Variants in GRK5 observed in about 807,000 individuals in gnomAD.
The protein encoded by GRK5 is g protein-coupled receptor kinase GRK5.
Under a neutral mutation model 78.4 loss-of-function variants are expected in GRK5, and 40 were observed. That is an observed-to-expected ratio of 0.51 (90% CI 0.40 to 0.66). GRK5 has a LOEUF of 0.66. GRK5 is among the 30% of genes least tolerant of loss of function. The pLI is 0.00. For missense variants in GRK5, 598 were observed against 759.9 expected (o/e 0.79, Z 2.50); for synonymous variants, 289 against 296.8 (o/e 0.97, Z 0.27).
At chr10:119,446,852 G>A (rs940414338) in intron 12 of GRK5, among the ~76,000 whole-genome samples, 4 of 152,144 alleles carry the variant, frequency 2.6e-5, no homozygotes, top group African/African-American at 9.7e-5. Flanking sequence ...TCTCCCCGGC[G>A]TCCCCAGCCG....
chr10:119,277,305 C>A (rs895537093), intron 1 of GRK5, among the ~76,000 whole-genome samples: 3 of 152,150 alleles, frequency 2.0e-5, no homozygotes, highest in African/African-American at 7.2e-5. Flanking sequence ...TCTTGCTTCC[C>A]AGTGGCTCTC....
At chr10:119,411,154 T>G (rs985869364) in intron 4 of GRK5, among the ~76,000 whole-genome samples, 1 of 152,032 alleles carries the variant, frequency 6.6e-6, no homozygotes, top group African/African-American at 2.4e-5. Context: ...TTGAAGTCTC[T>G]TCCTGGCCTG....
At chr10:119,385,758 G>C (rs1851783598) in intron 3 of GRK5, among the ~76,000 whole-genome samples, 1 of 152,182 alleles carries the variant, frequency 6.6e-6, no homozygotes. Context: ...CTCCGTTTTA[G>C]GCACACGCGC....
rs568269437 is a variant in GRK5, at chr10:119,445,672, C to T, written c.1266+1920C>T. On this transcript the variant is annotated intron_variant, in intron 12 of 15. Transcript: ENST00000392870. The surrounding 1 kb of genome is among the most constrained non-coding windows in gnomAD (Gnocchi z 4.1). ...GGAGTCTAGTCTTAGGCCTCCTTCACGCCCTTGACTGCAGCATCTCCGGCA... is the reference window on the plus strand; with the variant it reads ...GGAGTCTAGTCTTAGGCCTCCTTCATGCCCTTGACTGCAGCATCTCCGGCA... 4.3e-4 allele frequency among the ~76,000 whole-genome samples: 66 copies of T among 152,314 alleles called. No homozygotes were observed. The highest frequency in any genetic ancestry group is 1.4e-3 in the African/African-American group (57 of 41,580).
At chr10:119,315,043 A>T (rs1484477202) in intron 1 of GRK5, among the ~76,000 whole-genome samples, 1 of 151,982 alleles carries the variant, frequency 6.6e-6, no homozygotes, top group Non-Finnish European at 1.5e-5. Flanking sequence ...TGTCTCACTT[A>T]TGGGGATCTT....
chr10:119,267,722 C>T lies in GRK5; in HGVS notation c.53-58794C>T, dbSNP rs1296306566. On this transcript the variant is annotated intron_variant, in intron 1 of 15. Coordinates refer to ENST00000392870, the MANE Select transcript of GRK5 (RefSeq NM_005308.3). This position sits in a 1 kb window ranked among gnomAD's most constrained non-coding sequence, Gnocchi z 4.1. The stretch of plus-strand genomic sequence containing the variant: ...AAAGGCGGGAGGCAGCTTAGGTGAC[C>T]TCTGCACGTGTTTTCAAAGCTGTGG... Among the ~76,000 whole-genome samples the T allele has an allele frequency of 6.6e-6, 1 of 152,192 alleles. No homozygotes were observed. Among genetic ancestry groups the T allele is most frequent in the Non-Finnish European group, 1.5e-5 (1 of 68,028 alleles).
chr10:119,366,791 T>G (rs541096603), intron 2 of GRK5, among the ~76,000 whole-genome samples: 1 of 152,306 alleles, frequency 6.6e-6, no homozygotes, highest in African/African-American at 2.4e-5. Context: ...TGTGATGTCA[T>G]CCACCTCTCA....
Position 119,443,631 on chromosome 10 carries a change from A to G in GRK5, c.1145A>G (p.Gln382Arg). The change falls in exon 12 of 16, where the codon CAG (glutamine) becomes CGG (arginine). Residue 382 changes from glutamine (Q) to arginine (R), a missense_variant. Gln to Arg is a conservative substitution (Grantham distance 43). Coordinates refer to ENST00000392870, the MANE Select transcript of GRK5 (RefSeq NM_005308.3). Reference protein sequence around the residue: ...GCLIYEMIEGQSPFRGRKEKV... With the variant: ...GCLIYEMIEGRSPFRGRKEKV... ...CTCATCTATGAGATGATCGAGGGCCAGTCGCCGTTCCGCGGCCGCAAGGAG... is the reference window on the plus strand; with the variant it reads ...CTCATCTATGAGATGATCGAGGGCCGGTCGCCGTTCCGCGGCCGCAAGGAG... The G allele has an allele frequency of 6.2e-7, 1 of 1,613,646 alleles. No individual in the cohort carries two copies. Among genetic ancestry groups the G allele is most frequent in the Non-Finnish European group, 8.5e-7 (1 of 1,179,914 alleles).
chr10:119,437,731 T>G (rs1369358642), intron 9 of GRK5, among the ~76,000 whole-genome samples: 3 of 152,230 alleles, frequency 2.0e-5, no homozygotes, highest in Non-Finnish European at 4.4e-5. Flanking sequence ...TTAGCGTACA[T>G]CTCTGAAACA....
chr10:119,282,555 C>T (rs986352784), intron 1 of GRK5, among the ~76,000 whole-genome samples: 1 of 152,236 alleles, frequency 6.6e-6, no homozygotes, highest in Non-Finnish European at 1.5e-5. Flanking sequence ...GCAGGAGAGG[C>T]GTGTGCTGCG....
chr10:119,326,416 C>A, intron 1 of GRK5, 100 bp from the exon 2 acceptor site: 1 of 891,972 alleles, frequency 1.1e-6, no homozygotes, highest in Non-Finnish European at 1.8e-6. Flanking sequence ...TACAGCCCGT[C>A]CCTCTGTCTC....
intron 2 of GRK5, among the ~76,000 whole-genome samples, chr10:119,347,119 C>T (rs905416924): frequency 1.3e-5 from 2 of 152,176 alleles, no homozygotes; most frequent in African/African-American, 2.4e-5. Context: ...ACTCTGTTGC[C>T]TCTCGGCCTT....
chr10:119,287,052 G>A (rs1371896314), intron 1 of GRK5, among the ~76,000 whole-genome samples: 1 of 151,420 alleles, frequency 6.6e-6, no homozygotes, highest in Non-Finnish European at 1.5e-5. Context: ...TAGGAGGGAA[G>A]GGAGGGAGGA....
chr10:119,236,121 A>G (rs1363821536), intron 1 of GRK5, among the ~76,000 whole-genome samples: 1 of 152,168 alleles, frequency 6.6e-6, no homozygotes. Context: ...TTGTCCTGTA[A>G]TCTCAGCACT....
In GRK5 at chr10:119,326,691, G is replaced by C. The variant is rs1051830400; in HGVS notation, c.148+80G>C. On this transcript the variant is annotated intron_variant, in intron 2 of 15. Transcript: ENST00000392870. ...AGCCGTTTGTGCATTAAGGCAAATG[G>C]GTGAGCCGCCAAGCTGTCTGTGCAG... The C allele has an allele frequency of 4.8e-6, 5 of 1,052,482 alleles. No individual in the cohort carries two copies. In the African/African-American group the frequency reaches 6.2e-5, roughly 13 times the overall value. 65.2% of individuals were successfully genotyped at this position (1,052,482 alleles called of 1,614,324 possible). A position where few individuals can be genotyped will look rare whatever the true frequency, so the allele number is the denominator to read the frequency against.
intron 1 of GRK5, among the ~76,000 whole-genome samples, chr10:119,257,628 G>T (rs893582022): frequency 1.4e-4 from 21 of 152,206 alleles, no homozygotes; most frequent in East Asian, 9.6e-4. Flanking sequence ...GGAGGCTGAG[G>T]CAGGAGAATC....
intron 1 of GRK5, among the ~76,000 whole-genome samples, chr10:119,291,932 T>TCTC (rs1564879459): frequency 4.5e-5 from 4 of 89,406 alleles, no homozygotes; most frequent in Non-Finnish European, 8.7e-5. Flanking sequence ...TCCTCCTTCT[T>TCTC]TTCCTCCTCT....
In GRK5 at chr10:119,326,526, A is replaced by G; in HGVS notation, c.63A>G (p.Gly21=). 1 of 1,613,966 alleles carries G rather than the reference A, an allele frequency of 6.2e-7. No individual in the cohort carries two copies. Among genetic ancestry groups the G allele is most frequent in the Non-Finnish European group, 8.5e-7 (1 of 1,179,842 alleles). Residue 21 remains glycine (G), a synonymous_variant, in exon 2 of 16, where the codon GGA becomes GGG. Transcript: ENST00000392870. ...TCCCCATCTCTGCAGGGGGCGGAGG[A>G]AAGCGCAAAGGGAAAAGCAAGAAGT... ...VLLKAREGGG[G]KRKGKSKKWK...
In GRK5 at chr10:119,455,557, A is replaced by C; in HGVS notation, c.*490A>C. On this transcript the variant is annotated 3_prime_UTR_variant, in exon 16 of 16. Transcript: ENST00000392870. ...GGGTTATCAAAAAAAAAAAAATGTG[A>C]CTCAAGACTTCCAGAGCCTCAAATG... 6.9e-6 allele frequency: 2 copies of C among 291,290 alleles called. No individual in the cohort carries two copies. Among genetic ancestry groups the C allele is most frequent in the Non-Finnish European group, 6.6e-6 (1 of 152,448 alleles). 18.0% of individuals were successfully genotyped at this position (291,290 alleles called of 1,614,324 possible).
Sources: gnomAD v4.1 joint callset for allele counts (sites outside exome capture counted in the v4.1 genomes callset) on GRCh38, gnomAD v4.1.1 for gene constraint, Gnocchi (gnomAD v3.1) non-coding constraint, MANE v1.5 for transcripts, NCBI Gene and HGNC (gene_info 2026-07-23, HGNC 2026-07-21) for gene names.